The following LRRC4C variants were observed in gnomAD, a reference collection of about 807,000 sequenced individuals.
LRRC4C encodes leucine rich repeat containing 4C, also known as leucine-rich repeat-containing protein 4C.
A neutral mutation model predicts 33.6 loss-of-function variants in LRRC4C; 5 were observed. The ratio of observed to expected loss-of-function variants is 0.15; its 90% CI spans 0.08 to 0.31. The LOEUF (loss-of-function observed/expected upper bound fraction) is 0.31, where lower values mean the gene tolerates loss of function less well. Ranked by LOEUF, LRRC4C falls within the 10% of genes least tolerant of loss-of-function variation. The pLI, the probability that LRRC4C is intolerant of heterozygous loss-of-function variation, is 1.00. For missense variants in LRRC4C, 560 were observed against 796.7 expected, an observed-to-expected ratio of 0.70 and a Z score of 3.58; for synonymous variants, 329 against 302.0, an observed-to-expected ratio of 1.09 and a Z score of -0.93.
chr11:40,469,410 ACT>A, intron 3 of LRRC4C, among the ~76,000 whole-genome samples: 1 of 152,182 alleles, frequency 6.6e-6, no homozygotes, highest in Admixed American at 6.5e-5. Context: ...CCCTCAGGTG[ACT>A]ATACCACCAG....
rs1346599441 is a variant in LRRC4C, at chr11:40,362,681, T to C, written c.-269-42960A>G. 2.0e-5 allele frequency among the ~76,000 whole-genome samples: 3 copies of C among 152,188 alleles called. No homozygotes were observed. The East Asian group carries it at 5.8e-4, about 29-fold the overall frequency. On this transcript the variant is annotated intron_variant, in intron 3 of 6. Transcript: ENST00000528697. ...GTTGTAGTGAGCTGAGATCCCACCATTGCACTCCAGCCTGGGCAAGAGTGA... is the reference window on the plus strand; with the variant it reads ...GTTGTAGTGAGCTGAGATCCCACCACTGCACTCCAGCCTGGGCAAGAGTGA...
At chr11:40,355,931 C>T (rs951799181) in intron 3 of LRRC4C, among the ~76,000 whole-genome samples, 3 of 117,872 alleles carry the variant, frequency 2.5e-5, no homozygotes, top group Non-Finnish European at 3.7e-5. Context: ...CAGTGTTTTA[C>T]ATTCATAGTA....
chr11:40,808,540 G>A (rs754080626), intron 2 of LRRC4C, among the ~76,000 whole-genome samples: 3 of 151,742 alleles, frequency 2.0e-5, no homozygotes, highest in Non-Finnish European at 4.4e-5. Flanking sequence ...TCTCTCTCCT[G>A]TTATAAAGTA....
chr11:41,017,472 G>A (rs530812696), intron 1 of LRRC4C, among the ~76,000 whole-genome samples: 2 of 152,202 alleles, frequency 1.3e-5, no homozygotes, highest in South Asian at 4.2e-4. Context: ...CACGGAAAGA[G>A]GATAGTATTA....
intron 3 of LRRC4C, among the ~76,000 whole-genome samples, chr11:40,402,124 G>C (rs1949782779): frequency 6.6e-6 from 1 of 151,992 alleles, no homozygotes; most frequent in African/African-American, 2.4e-5. Context: ...CACTGAAAAG[G>C]AAAAGGGTTC....
intron 3 of LRRC4C, among the ~76,000 whole-genome samples, chr11:40,434,469 G>T (rs898676505): frequency 6.6e-6 from 1 of 152,178 alleles, no homozygotes; most frequent in African/African-American, 2.4e-5. Context: ...TCCAAAAGTG[G>T]CAAGACACAC....
intron 2 of LRRC4C, among the ~76,000 whole-genome samples, chr11:40,672,696 C>T (rs534842366): frequency 6.6e-6 from 1 of 152,216 alleles, no homozygotes; most frequent in African/African-American, 2.4e-5. Context: ...ATCTTATTCT[C>T]GGAGTTTTTG....
intron 1 of LRRC4C, among the ~76,000 whole-genome samples, chr11:41,224,717 T>C (rs1276150505): frequency 6.6e-6 from 1 of 152,212 alleles, no homozygotes. Flanking sequence ...GCTATAATTC[T>C]CTCATTGGAT....
intron 2 of LRRC4C, among the ~76,000 whole-genome samples, chr11:40,787,401 A>T (rs1950455777): frequency 6.6e-6 from 1 of 152,104 alleles, no homozygotes; most frequent in Non-Finnish European, 1.5e-5. Context: ...GCTTGCTGAC[A>T]AGTGAGAGGC....
At chr11:41,311,522 T>C (rs747440825) in intron 1 of LRRC4C, among the ~76,000 whole-genome samples, 1 of 152,194 alleles carries the variant, frequency 6.6e-6, no homozygotes, top group African/African-American at 2.4e-5. Flanking sequence ...TATTTTTCAA[T>C]TGGGATATAA....
intron 5 of LRRC4C, among the ~76,000 whole-genome samples, chr11:40,207,653 T>C (rs1043387336): frequency 3.3e-5 from 5 of 152,208 alleles, no homozygotes; most frequent in Non-Finnish European, 5.9e-5. Flanking sequence ...ACTTTTCTGA[T>C]GATTAAAACA....
At chr11:40,946,659 C>T (rs1448131740) in intron 1 of LRRC4C, among the ~76,000 whole-genome samples, 1 of 152,116 alleles carries the variant, frequency 6.6e-6, no homozygotes, top group African/African-American at 2.4e-5. Context: ...GCAAGATTGT[C>T]CCTTATTGTG....
intron 2 of LRRC4C, among the ~76,000 whole-genome samples, chr11:40,919,099 C>T (rs1338387431): frequency 6.6e-6 from 1 of 152,092 alleles, no homozygotes; most frequent in Non-Finnish European, 1.5e-5. Flanking sequence ...TATCTTGAAG[C>T]CAGTAGTTAA....
intron 2 of LRRC4C, among the ~76,000 whole-genome samples, chr11:40,900,369 G>T (rs2136184382): frequency 6.6e-6 from 1 of 152,126 alleles, no homozygotes; most frequent in South Asian, 2.1e-4. Flanking sequence ...CTCAGCCAAG[G>T]AATTAAACAT....
intron 1 of LRRC4C, among the ~76,000 whole-genome samples, chr11:41,246,503 A>G (rs1948457815): frequency 6.6e-6 from 1 of 152,110 alleles, no homozygotes. Context: ...GCTATAGCTG[A>G]GCTCAGAAGA....
At chr11:40,320,804 G>A (rs1945805998) in intron 3 of LRRC4C, among the ~76,000 whole-genome samples, 2 of 152,126 alleles carry the variant, frequency 1.3e-5, no homozygotes, top group South Asian at 4.1e-4. Context: ...TTTGATATGG[G>A]TAGAATGATC....
At chr11:40,502,709 TA>T (rs796283833) in intron 3 of LRRC4C, among the ~76,000 whole-genome samples, 28 of 152,290 alleles carry the variant, frequency 1.8e-4, no homozygotes, top group African/African-American at 6.0e-4. Flanking sequence ...CCAAACCACA[TA>T]AGCATGCATC....
intron 1 of LRRC4C, among the ~76,000 whole-genome samples, chr11:41,022,816 A>G (rs2137699115): frequency 6.6e-6 from 1 of 152,110 alleles, no homozygotes; most frequent in South Asian, 2.1e-4. Context: ...ATGAACTGGG[A>G]AAATACATTT....
At chr11:40,789,859 C>A (rs952703165) in intron 2 of LRRC4C, among the ~76,000 whole-genome samples, 3 of 152,110 alleles carry the variant, frequency 2.0e-5, no homozygotes, top group African/African-American at 7.2e-5. Flanking sequence ...TAGAGTCACA[C>A]ACACGAGGCC....
Sources: allele counts gnomAD v4.1 joint callset (sites outside exome capture counted in the v4.1 genomes callset), GRCh38; gene constraint gnomAD v4.1.1; transcripts MANE v1.5; gene names NCBI Gene and HGNC (gene_info 2026-07-23, HGNC 2026-07-21).